The following RIPK2 variants were observed in gnomAD, a reference collection of about 807,000 sequenced individuals.
RIPK2 encodes the protein receptor-interacting serine/threonine-protein kinase 2.
RIPK2 carries 38 observed loss-of-function variants against 60.9 expected under a neutral mutation model. The observed-to-expected ratio is 0.62, with a 90% confidence interval of 0.48 to 0.82. The LOEUF (loss-of-function observed/expected upper bound fraction) is 0.82, where lower values mean the gene tolerates loss of function less well. Among genes scored for constraint, RIPK2 ranks in the 40% least tolerant of loss-of-function variants. The pLI is 0.00. For synonymous variants in RIPK2, 225 were observed against 223.4 expected (o/e 1.01, Z -0.06); for missense variants, 518 against 647.0 (o/e 0.80, Z 2.16).
chr8:89,762,799 C>G lies in RIPK2; in HGVS notation c.174-30C>G, dbSNP rs199584168. Reference sequence around the variant, plus strand: ...ATGATAATTGTATATTTTTTTATTACTTGAATAATTATGCATTTTTTTTTC... The same window carrying G: ...ATGATAATTGTATATTTTTTTATTAGTTGAATAATTATGCATTTTTTTTTC... On this transcript the variant is annotated intron_variant, in intron 1 of 10. Coordinates refer to ENST00000220751, the MANE Select transcript of RIPK2 (RefSeq NM_003821.6). 108 of 1,215,024 alleles carry G rather than the reference C, an allele frequency of 8.9e-5. No homozygotes were observed. The African/African-American group carries it at 1.2e-3, about 13-fold the overall frequency. 75.3% of individuals were successfully genotyped at this position (1,215,024 alleles called of 1,614,324 possible).
chr8:89,786,413 G>A (rs1226611672), intron 8 of RIPK2, among the ~76,000 whole-genome samples, 180 bp from the exon 9 acceptor site: 1 of 151,936 alleles, frequency 6.6e-6, no homozygotes. Flanking sequence ...GGGTGGGGCT[G>A]CAGTGAGCCT....
At chr8:89,784,178 T>G in intron 8 of RIPK2, 39 bp downstream of exon 8, 1 of 1,189,766 alleles carries the variant, frequency 8.4e-7, no homozygotes. Context: ...TATATTAAAC[T>G]CAAAATGTGA....
At chr8:89,769,181 G>T (rs1281712258) in intron 3 of RIPK2, among the ~76,000 whole-genome samples, 1 of 151,690 alleles carries the variant, frequency 6.6e-6, no homozygotes, top group Non-Finnish European at 1.5e-5. Flanking sequence ...CCATTGTATT[G>T]GACATAAATA....
rs71268283 is a variant in RIPK2, at chr8:89,784,141, T to TAAAAAAAAAAAAA, written c.1029+13_1029+25dup. 2 of 558,324 alleles carry TAAAAAAAAAAAAA rather than the reference T, an allele frequency of 3.6e-6. No homozygotes were observed. The highest frequency in any genetic ancestry group is 5.0e-5 in the Admixed American group (1 of 19,952). 34.6% of individuals were successfully genotyped at this position (558,324 alleles called of 1,614,324 possible). ...CCTGTAAATCATGGTCCACAAGAGG[T>TAAAAAAAAAAAAA]AAAAAAAAAAAAAAAAAAAAAAAGG... is the stretch of plus-strand genomic sequence containing the variant. On this transcript the variant is annotated splice_region_variant and intron_variant, in intron 8 of 10. Transcript: ENST00000220751.
In RIPK2 at chr8:89,772,720, G is replaced by A. The variant is rs771263919; in HGVS notation, c.745G>A (p.Val249Ile). ...MYSVSQGHRP[V>I]INEESLPYDI... ...TAGTGTGTCACAAGGACATCGACCT[G>A]TTATTAATGAAGAAAGTTTGCCATA... Residue 249 changes from valine to isoleucine, a missense_variant, in exon 6 of 11, where the codon GTT (valine) becomes ATT (isoleucine). This residue lies in a region of RIPK2 where 448 missense variants were observed against 534.7 expected (regional missense o/e 0.84). Transcript: ENST00000220751. 1.2e-6 allele frequency: 2 copies of A among 1,611,914 alleles called. No homozygotes were observed. Among genetic ancestry groups the A allele is most frequent in the Admixed American group, 3.3e-5 (2 of 59,856 alleles).
chr8:89,779,302 G>T (rs384957), intron 6 of RIPK2, among the ~76,000 whole-genome samples: 80,882 of 131,690 alleles, frequency 0.61, 25,031 homozygotes, highest in African/African-American at 0.74. Context: ...TTTTTAGGCG[G>T]TTTTTGGGTT....
intron 7 of RIPK2, among the ~76,000 whole-genome samples, chr8:89,782,570 T>A (rs1809518025): frequency 6.6e-6 from 1 of 150,888 alleles, no homozygotes; most frequent in Non-Finnish European, 1.5e-5. Context: ...CTCTGAAAGC[T>A]GAAGCAGGAG....
At chr8:89,782,727 A>G (rs1338905826) in intron 7 of RIPK2, among the ~76,000 whole-genome samples, 2 of 152,176 alleles carry the variant, frequency 1.3e-5, no homozygotes, top group Non-Finnish European at 2.9e-5. Context: ...TCTTGGAATC[A>G]GCTCCCGTAA....
intron 1 of RIPK2, among the ~76,000 whole-genome samples, chr8:89,758,477 A>G (rs1809089237): frequency 6.6e-6 from 1 of 151,828 alleles, no homozygotes; most frequent in Non-Finnish European, 1.5e-5. Context: ...TCTCTCCATT[A>G]CCCTTTCTCT....
chr8:89,763,738 G>T (rs1331860082), intron 2 of RIPK2, among the ~76,000 whole-genome samples: 1 of 152,096 alleles, frequency 6.6e-6, no homozygotes, highest in Non-Finnish European at 1.5e-5. Flanking sequence ...GGGTGCCACT[G>T]TCAGTCAGTC....
intron 3 of RIPK2, among the ~76,000 whole-genome samples, chr8:89,769,499 C>G (rs1809279200): frequency 6.6e-6 from 1 of 151,714 alleles, no homozygotes. Context: ...CAAAAAATGC[C>G]TCTGCTCAAT....
chr8:89,785,096 A>G (rs961191502), intron 8 of RIPK2, among the ~76,000 whole-genome samples: 16 of 152,132 alleles, frequency 1.1e-4, no homozygotes, highest in African/African-American at 3.6e-4. Flanking sequence ...TTGGGGATCA[A>G]ATTTCAATGT....
chr8:89,763,618 A>G (rs1029028260), intron 2 of RIPK2, among the ~76,000 whole-genome samples: 2 of 152,134 alleles, frequency 1.3e-5, no homozygotes, highest in Admixed American at 1.3e-4. Flanking sequence ...TACTTGGTCC[A>G]TTTTTTGAGG....
chr8:89,767,942 T>G (rs1809254762), intron 3 of RIPK2, among the ~76,000 whole-genome samples: 1 of 151,750 alleles, frequency 6.6e-6, no homozygotes, highest in Non-Finnish European at 1.5e-5. Context: ...CTTGGTGCTA[T>G]GTAGATGCAT....
chr8:89,758,225 G>T lies in RIPK2; in HGVS notation c.165G>T (p.Leu55=). The change falls in exon 1 of 11, where the codon CTG becomes CTT. Residue 55 remains leucine (L), a synonymous_variant. Coordinates refer to ENST00000220751, the MANE Select transcript of RIPK2 (RefSeq NM_003821.6). ...AVKHLHIHTP[L]LDSERKDVLR... ...AGCACCTGCACATCCACACTCCGCT[G>T]CTCGACAGGTAGGCAGTCACTGGGG... is the stretch of plus-strand genomic sequence containing the variant. The T allele has an allele frequency of 6.2e-7, 1 of 1,605,344 alleles. No individual in the cohort carries two copies.
At chr8:89,780,375 T>A in intron 7 of RIPK2, 1 of 298,694 alleles carries the variant, frequency 3.3e-6, no homozygotes. Flanking sequence ...CTTCAGATTT[T>A]AAAGACATTT....
In RIPK2 at chr8:89,790,684, C is replaced by A; in HGVS notation, c.*268C>A. 3.4e-6 allele frequency: 1 copy of A among 294,854 alleles called. No individual in the cohort carries two copies. The highest frequency in any genetic ancestry group is 6.3e-6 in the Non-Finnish European group (1 of 157,760). The allele number at this position is 294,854 out of a possible 1,614,324, so 18.3% of individuals were successfully genotyped here. A position where few individuals can be genotyped will look rare whatever the true frequency, so the allele number is the denominator to read the frequency against. On this transcript the variant is annotated 3_prime_UTR_variant, in exon 11 of 11. Transcript: ENST00000220751. Reference sequence around the variant, plus strand: ...GTAATTATTCTTGTTTATAACAGTGCCTTAAGGTATGATGTATTTCTGATG... The same window carrying A: ...GTAATTATTCTTGTTTATAACAGTGACTTAAGGTATGATGTATTTCTGATG...
At chr8:89,786,180 A>T (rs1809584041) in intron 8 of RIPK2, among the ~76,000 whole-genome samples, 1 of 152,184 alleles carries the variant, frequency 6.6e-6, no homozygotes, top group African/African-American at 2.4e-5. Context: ...TATAATTTTT[A>T]GTAGTTTTGT....
Position 89,790,151 on chromosome 8 carries a change from A to C in RIPK2, c.1358A>C (p.Glu453Ala), listed in dbSNP as rs1439350963. Residue 453 changes from glutamate to alanine, a missense_variant, in exon 11 of 11, where the codon GAA becomes GCA. Physicochemically the swap from Glu to Ala is moderately radical, Grantham distance 107. Transcript: ENST00000220751. ...GAAGACATTGTGAACCAAATGACAG[A>C]AGCCTGCCTTAACCAGTCGCTAGAT... ...KREDIVNQMTEACLNQSLDAL... is the reference protein window; with the variant it reads ...KREDIVNQMTAACLNQSLDAL... 6.2e-7 allele frequency: 1 copy of C among 1,614,056 alleles called. No individual in the cohort carries two copies. Among genetic ancestry groups the C allele is most frequent in the Non-Finnish European group, 8.5e-7 (1 of 1,180,008 alleles).
Sources: allele counts gnomAD v4.1 joint callset (sites outside exome capture counted in the v4.1 genomes callset), GRCh38; gene constraint gnomAD v4.1.1; regional missense constraint gnomAD v4.1.1; transcripts MANE v1.5; gene names NCBI Gene and HGNC (gene_info 2026-07-23, HGNC 2026-07-21).